XPO1: variants seen among roughly 807,000 people sequenced by gnomAD.
XPO1 encodes exportin-1.
A neutral mutation model predicts 133.3 loss-of-function variants in XPO1; 5 were observed. The ratio of observed to expected loss-of-function variants is 0.04; its 90% CI spans 0.02 to 0.08. The LOEUF is 0.08. Ranked by LOEUF, XPO1 falls within the 10% of genes least tolerant of loss-of-function variation. The probability of loss-of-function intolerance (pLI) is 1.00; values close to 1 mark genes in which losing one functional copy is unlikely to be tolerated. For synonymous variants in XPO1, 419 were observed against 408.2 expected (o/e 1.03, Z -0.32); for missense variants, 506 against 1,267.5 (o/e 0.40, Z 9.12).
intron 4 of XPO1, among the ~76,000 whole-genome samples, chr2:61,518,980 G>A (rs1294120649): frequency 6.6e-6 from 1 of 151,158 alleles, no homozygotes; most frequent in African/African-American, 2.4e-5. Flanking sequence ...TTTTTTTTGA[G>A]ATGAAGTCTC....
intron 4 of XPO1, among the ~76,000 whole-genome samples, chr2:61,513,588 T>C (rs1008352319): frequency 3.3e-5 from 5 of 149,642 alleles, no homozygotes; most frequent in African/African-American, 1.2e-4. Flanking sequence ...GCCTCCCAAA[T>C]TGCTGGAATT....
intron 19 of XPO1, 40 bp downstream of exon 19, chr2:61,488,125 A>G (rs1385224256): frequency 6.4e-7 from 1 of 1,553,082 alleles, no homozygotes; most frequent in East Asian, 2.2e-5. Context: ...AAAACACAGC[A>G]TCAACACTAG....
At chr2:61,486,301 G>A (rs558692374) in intron 19 of XPO1, among the ~76,000 whole-genome samples, 27 of 152,148 alleles carry the variant, frequency 1.8e-4, no homozygotes, top group African/African-American at 6.0e-4. Flanking sequence ...AGTCTCCTGA[G>A]TAGCTGGGAC....
At chr2:61,493,105 C>G in intron 12 of XPO1, 52 bp from the exon 13 acceptor site, 1 of 1,506,726 alleles carries the variant, frequency 6.6e-7, no homozygotes, top group Non-Finnish European at 8.8e-7. Flanking sequence ...TCACTGAAAT[C>G]ATTAGTGTAG....
chr2:61,509,810 A>G lies in XPO1; in HGVS notation c.302-7500T>C, dbSNP rs1698001271. Among the ~76,000 whole-genome samples the G allele has an allele frequency of 5.3e-5, 8 of 152,312 alleles. No homozygotes were observed. In the South Asian group the frequency reaches 1.7e-3, roughly 32 times the overall value. ...CACAGAAAATGGTTTAAGGCTTTTG[A>G]TACACTATTAAAAATGTAAATTACA... On this transcript the variant is annotated intron_variant, in intron 4 of 24. Coordinates refer to ENST00000401558, the MANE Select transcript of XPO1 (RefSeq NM_003400.4).
intron 17 of XPO1, 141 bp downstream of exon 17, chr2:61,490,501 G>T: frequency 8.0e-7 from 1 of 1,243,902 alleles, no homozygotes; most frequent in Non-Finnish European, 1.1e-6. Context: ...ACCTCGCCCA[G>T]ATAATAAATT....
Position 61,488,757 on chromosome 2 carries a change from C to T in XPO1, c.2037G>A (p.Leu679=). 6.2e-7 allele frequency: 1 copy of T among 1,613,464 alleles called. No individual in the cohort carries two copies. The highest frequency in any genetic ancestry group is 8.5e-7 in the Non-Finnish European group (1 of 1,179,858). ...GCTGCTTGACTGTTTCAGGATCTTTCAGTATATCCACATTCTTGGAGGAAA... is the reference window on the plus strand; with the variant it reads ...GCTGCTTGACTGTTTCAGGATCTTTTAGTATATCCACATTCTTGGAGGAAA... ...IQQATKNVDI[L]KDPETVKQLG... The change falls in exon 18 of 25, where the codon CTG becomes CTA. Residue 679 remains leucine, a synonymous_variant. Transcript: ENST00000401558.
intron 4 of XPO1, among the ~76,000 whole-genome samples, chr2:61,513,422 G>A (rs1215200856): frequency 6.7e-6 from 1 of 149,976 alleles, no homozygotes; most frequent in Non-Finnish European, 1.5e-5. Flanking sequence ...CTGGAGGGCA[G>A]TGGTGTGATC....
At position 61,481,440 on chromosome 2, in the gene XPO1, G is replaced by GTT. The variant is rs35101636; in HGVS notation, c.2973-161_2973-160dup. 8.4e-5 allele frequency among the ~76,000 whole-genome samples: 12 copies of GTT among 143,630 alleles called. No individual in the cohort carries two copies. The South Asian group carries it at 8.7e-4, about 10-fold the overall frequency. The allele number at this position is 143,630 out of a possible 152,430, so 94.2% of individuals were successfully genotyped here. The stretch of plus-strand genomic sequence containing the variant: ...TCTCCTGCCTCAGCGTCCCAATAAT[G>GTT]TTTTTTTTTTTTAATCAAGAATTTT... On this transcript the variant is annotated intron_variant, in intron 23 of 24. Transcript: ENST00000401558.
At position 61,508,898 on chromosome 2, in the gene XPO1, G is replaced by A. The variant is rs571437207; in HGVS notation, c.302-6588C>T. Among the ~76,000 whole-genome samples, 28 of 152,204 alleles carry A rather than the reference G, an allele frequency of 1.8e-4. No homozygotes were observed. In the East Asian group the frequency reaches 5.4e-3, roughly 29 times the overall value. On this transcript the variant is annotated intron_variant, in intron 4 of 24. Coordinates refer to ENST00000401558, the MANE Select transcript of XPO1 (RefSeq NM_003400.4). ...TCCTAGAAAAATCCTTAAAATGTGG[G>A]AGTCCATGTTACATATTCCAATTCC... is the stretch of plus-strand genomic sequence containing the variant.
chr2:61,529,837 C>T (rs1254592432), intron 2 of XPO1, among the ~76,000 whole-genome samples: 1 of 152,168 alleles, frequency 6.6e-6, no homozygotes, highest in Admixed American at 6.5e-5. Flanking sequence ...TTGTTCTCTA[C>T]CCAGAAACCC....
intron 4 of XPO1, among the ~76,000 whole-genome samples, chr2:61,510,257 G>A (rs1698022898): frequency 1.3e-5 from 2 of 152,202 alleles, no homozygotes; most frequent in African/African-American, 4.8e-5. Context: ...AAGCAGCCTG[G>A]GCGACAATGT....
At position 61,511,997 on chromosome 2, in the gene XPO1, T is replaced by C. The variant is rs527925726; in HGVS notation, c.302-9687A>G. 3.9e-5 allele frequency among the ~76,000 whole-genome samples: 6 copies of C among 152,186 alleles called. No homozygotes were observed. In the East Asian group the frequency reaches 1.2e-3, roughly 30 times the overall value. On this transcript the variant is annotated intron_variant, in intron 4 of 24. Coordinates refer to ENST00000401558, the MANE Select transcript of XPO1 (RefSeq NM_003400.4). ...GTTGGCCAGACTGGTCTCGAACTCC[T>C]GACCTCAGACAATTGCCTGCCTAGG...
rs2104383491 is a variant in XPO1, at chr2:61,488,271, C to T, written c.2207G>A (p.Gly736Asp). ...ENISAAIQAN[G>D]EMVTKQPLIR... ...CAATGGTTGCTTTGTAACCATTTCA[C>T]CTACAAAACAGAATCAAATGGAATC... Residue 736 changes from glycine to aspartate, a missense_variant and splice_region_variant, in exon 19 of 25, where the codon GGT becomes GAT. Coordinates refer to ENST00000401558, the MANE Select transcript of XPO1 (RefSeq NM_003400.4). The T allele has an allele frequency of 6.2e-7, 1 of 1,612,750 alleles. No individual in the cohort carries two copies. Among genetic ancestry groups the T allele is most frequent in the Non-Finnish European group, 8.5e-7 (1 of 1,178,996 alleles).
intron 4 of XPO1, among the ~76,000 whole-genome samples, chr2:61,511,626 G>A (rs1225921450): frequency 1.3e-5 from 2 of 152,202 alleles, no homozygotes; most frequent in East Asian, 1.9e-4. Flanking sequence ...TGTCCTGGCT[G>A]ATCTCAAATT....
intron 1 of XPO1, among the ~76,000 whole-genome samples, chr2:61,535,856 A>C (rs139074504): frequency 0.012 from 1,775 of 152,334 alleles, 20 homozygotes; most frequent in Middle Eastern, 0.02. Flanking sequence ...ATGAATGTGT[A>C]AACTCTCCTC....
chr2:61,530,098 A>C (rs1376382330), intron 2 of XPO1, among the ~76,000 whole-genome samples: 2 of 152,244 alleles, frequency 1.3e-5, no homozygotes, highest in African/African-American at 2.4e-5. Context: ...ATCTAGCTAG[A>C]TAACCTTATC....
intron 4 of XPO1, among the ~76,000 whole-genome samples, chr2:61,511,782 G>A (rs1193720905): frequency 1.3e-5 from 2 of 149,948 alleles, no homozygotes; most frequent in East Asian, 2.0e-4. Flanking sequence ...TTTTTGAGAC[G>A]GAGCCTTGCT....
intron 4 of XPO1, among the ~76,000 whole-genome samples, chr2:61,505,045 C>A (rs767423099): frequency 1.3e-5 from 2 of 152,196 alleles, no homozygotes; most frequent in Non-Finnish European, 2.9e-5. Flanking sequence ...GGGTCTTGGT[C>A]TGTTGCCCAC....
Sources: gnomAD v4.1 joint callset for allele counts (sites outside exome capture counted in the v4.1 genomes callset) on GRCh38, gnomAD v4.1.1 for gene constraint, MANE v1.5 for transcripts, NCBI Gene and HGNC (gene_info 2026-07-23, HGNC 2026-07-21) for gene names.